ANKS1B: variants seen among roughly 807,000 people sequenced by gnomAD.
ANKS1B encodes ankyrin repeat and sterile alpha motif domain-containing protein 1B.
In ANKS1B, 36 loss-of-function variants were observed where a neutral mutation model predicts 148.3. That is an observed-to-expected ratio of 0.24 (90% CI 0.19 to 0.32). ANKS1B has a LOEUF of 0.32. Ranked by LOEUF, ANKS1B falls within the 10% of genes least tolerant of loss-of-function variation. The pLI, the probability that ANKS1B is intolerant of heterozygous loss-of-function variation, is 1.00. For missense variants in ANKS1B, 1,157 were observed against 1,542.6 expected, an observed-to-expected ratio of 0.75 and a Z score of 4.19; for synonymous variants, 542 against 560.8, an observed-to-expected ratio of 0.97 and a Z score of 0.47.
chr12:99,536,888 C>G (rs1330385312), intron 9 of ANKS1B, among the ~76,000 whole-genome samples: 5 of 152,096 alleles, frequency 3.3e-5, no homozygotes, highest in Non-Finnish European at 5.9e-5. Context: ...ATTAACCCTC[C>G]CCACCTTAAC....
chr12:99,603,069 G>A (rs1297493536), intron 9 of ANKS1B, among the ~76,000 whole-genome samples: 1 of 152,020 alleles, frequency 6.6e-6, no homozygotes, highest in Non-Finnish European at 1.5e-5. Flanking sequence ...TTTGAGATGA[G>A]TCTTGCTCTG....
chr12:98,941,867 A>G (rs1286725612), intron 17 of ANKS1B, among the ~76,000 whole-genome samples: 3 of 152,222 alleles, frequency 2.0e-5, no homozygotes, highest in Non-Finnish European at 4.4e-5. Context: ...TTCTTTGGCC[A>G]GCTGTGGCAC....
chr12:99,209,634 A>G (rs548248717), intron 14 of ANKS1B, among the ~76,000 whole-genome samples: 2 of 152,354 alleles, frequency 1.3e-5, no homozygotes, highest in East Asian at 3.9e-4. Context: ...AACCAGAGAC[A>G]TTCAAACTAT....
intron 10 of ANKS1B, among the ~76,000 whole-genome samples, chr12:99,468,695 A>G (rs1028008564): frequency 6.6e-6 from 1 of 152,224 alleles, no homozygotes; most frequent in African/African-American, 2.4e-5. Flanking sequence ...AAAAATGCTC[A>G]TCATCACTGG....
chr12:99,576,796 G>A (rs956582714), intron 9 of ANKS1B, among the ~76,000 whole-genome samples: 1 of 151,954 alleles, frequency 6.6e-6, no homozygotes, highest in African/African-American at 2.4e-5. Context: ...GGATACATGT[G>A]TGTGCTTGTT....
chr12:99,494,064 T>C (rs1052314465), intron 10 of ANKS1B, among the ~76,000 whole-genome samples: 2 of 152,180 alleles, frequency 1.3e-5, no homozygotes, highest in Admixed American at 6.5e-5. Flanking sequence ...AGGAGCACCA[T>C]AATAAGATGA....
chr12:98,900,109 G>A (rs2099770043), intron 17 of ANKS1B, among the ~76,000 whole-genome samples: 1 of 152,276 alleles, frequency 6.6e-6, no homozygotes, highest in East Asian at 1.9e-4. Flanking sequence ...GGCAGTTACT[G>A]TTTTCTCAAC....
chr12:99,064,127 C>A (rs2043313394), intron 16 of ANKS1B, among the ~76,000 whole-genome samples: 1 of 152,130 alleles, frequency 6.6e-6, no homozygotes, highest in Non-Finnish European at 1.5e-5. Context: ...CAGCTGTAGG[C>A]ATAAGGCAGA....
At chr12:99,712,747 T>C (rs1402474995) in intron 8 of ANKS1B, among the ~76,000 whole-genome samples, 2 of 152,156 alleles carry the variant, frequency 1.3e-5, no homozygotes, top group Non-Finnish European at 2.9e-5. Flanking sequence ...ACATTCTCAT[T>C]GGGAGAAAAT....
chr12:99,622,495 G>C (rs937109845), intron 9 of ANKS1B, among the ~76,000 whole-genome samples: 1 of 151,814 alleles, frequency 6.6e-6, no homozygotes, highest in African/African-American at 2.4e-5. Context: ...TCAATATACT[G>C]CTAAACAGAT....
At chr12:99,484,894 T>TATGAATCCTTCCACAAGGATTCATATA (rs1341036537) in intron 10 of ANKS1B, among the ~76,000 whole-genome samples, 9 of 151,676 alleles carry the variant, frequency 5.9e-5, no homozygotes, top group African/African-American at 2.2e-4. Flanking sequence ...CCTCAGTTTA[T>TATGAATCCTTCCACAAGGATTCATATA]ATGAATCCTT....
At chr12:99,981,106 C>T (rs2095695989) in intron 1 of ANKS1B, among the ~76,000 whole-genome samples, 1 of 151,998 alleles carries the variant, frequency 6.6e-6, no homozygotes, top group Middle Eastern at 3.2e-3. Context: ...TTAAAGAATA[C>T]AGTCAAGTGC....
chr12:98,977,993 T>G lies in ANKS1B; in HGVS notation c.2778+75164A>C, dbSNP rs1225812432. Among the ~76,000 whole-genome samples the G allele has an allele frequency of 2.0e-5, 3 of 152,132 alleles. No individual in the cohort carries two copies. The South Asian group carries it at 6.2e-4, about 31-fold the overall frequency. On this transcript the variant is annotated intron_variant, in intron 17 of 26. Transcript: ENST00000683438. ...TTTACATTATATAATATGGGAGAGA[T>G]AGCAAGTATCTATAAAGAGTTTAAA...
At chr12:99,554,110 C>A (rs73379595) in intron 9 of ANKS1B, among the ~76,000 whole-genome samples, 1,937 of 152,266 alleles carry the variant, frequency 0.013, 42 homozygotes, top group African/African-American at 0.045. Context: ...TCCAGAAGGG[C>A]TCATCTAAGC....
At chr12:99,771,872 GTAAC>G (rs1463837787) in intron 8 of ANKS1B, among the ~76,000 whole-genome samples, 8 of 152,052 alleles carry the variant, frequency 5.3e-5, no homozygotes, top group Non-Finnish European at 8.8e-5. Flanking sequence ...CTTACTTTAA[GTAAC>G]TAAATTAAGT....
chr12:99,649,668 A>T (rs2098405215), intron 9 of ANKS1B: 1 of 376,118 alleles, frequency 2.7e-6, no homozygotes, highest in African/African-American at 2.1e-5. Flanking sequence ...TTGTTATAGC[A>T]AGGGCTGCAT....
intron 17 of ANKS1B, among the ~76,000 whole-genome samples, chr12:98,839,848 T>C (rs972635300): frequency 6.6e-6 from 1 of 152,224 alleles, no homozygotes; most frequent in Non-Finnish European, 1.5e-5. Flanking sequence ...TTTCTCTCTT[T>C]GAATTTCTTT....
intron 8 of ANKS1B, among the ~76,000 whole-genome samples, chr12:99,667,376 A>AAG (rs1360559451): frequency 6.7e-6 from 1 of 150,052 alleles, no homozygotes; most frequent in East Asian, 1.9e-4. Flanking sequence ...AAGAAAAGAA[A>AAG]AGAAAACCCT....
intron 9 of ANKS1B, among the ~76,000 whole-genome samples, chr12:99,540,136 C>A (rs2097111002): frequency 6.6e-6 from 1 of 151,660 alleles, no homozygotes; most frequent in African/African-American, 2.4e-5. Context: ...ATATATACAC[C>A]TAAAAATAGG....
Sources: allele counts gnomAD v4.1 joint callset (sites outside exome capture counted in the v4.1 genomes callset), GRCh38; gene constraint gnomAD v4.1.1; transcripts MANE v1.5; gene names NCBI Gene and HGNC (gene_info 2026-07-23, HGNC 2026-07-21).